The following DOCK1 variants were observed in gnomAD, a reference collection of about 807,000 sequenced individuals.
DOCK1 encodes dedicator of cytokinesis protein 1.
In DOCK1, 138 loss-of-function variants were observed where a neutral mutation model predicts 262.7. The ratio of observed to expected loss-of-function variants is 0.53; its 90% CI spans 0.46 to 0.61. The LOEUF is 0.61. Ranked by LOEUF, DOCK1 falls within the 20% of genes least tolerant of loss-of-function variation. DOCK1 has a pLI of 0.00. For missense variants in DOCK1, 1,908 were observed against 2,370.7 expected, an observed-to-expected ratio of 0.80 and a Z score of 4.05; for synonymous variants, 866 against 867.4, an observed-to-expected ratio of 1.00 and a Z score of 0.03.
chr10:127,257,300 G>A, intron 28 of DOCK1, 35 bp from the exon 29 acceptor site: 2 of 1,513,676 alleles, frequency 1.3e-6, no homozygotes, highest in Non-Finnish European at 1.8e-6. Context: ...CTTTTTCTTT[G>A]TGGGCCATTT....
intron 15 of DOCK1, chr10:127,025,911 C>T (rs113060561): frequency 0.039 from 7,301 of 188,210 alleles, 580 homozygotes; most frequent in African/African-American, 0.16. Context: ...ACAAAATTAG[C>T]TGGGTGTGGT....
intron 2 of DOCK1, among the ~76,000 whole-genome samples, chr10:126,972,386 G>A (rs1232578250): frequency 2.0e-5 from 3 of 152,116 alleles, no homozygotes; most frequent in Non-Finnish European, 4.4e-5. Flanking sequence ...AAGAAATGAT[G>A]GGCTTGATTT....
In DOCK1 at chr10:126,995,510, C is replaced by T. The variant is rs931526969; in HGVS notation, c.474-1238C>T. 3.3e-5 allele frequency among the ~76,000 whole-genome samples: 5 copies of T among 152,324 alleles called. No homozygotes were observed. The highest frequency in any genetic ancestry group is 6.5e-5 in the Admixed American group (1 of 15,304). ...CGAAAACCAGTCAGGTGTGGCGGCG[C>T]GCGCCTGCAATCCCAGGCACTCCGC... is the stretch of plus-strand genomic sequence containing the variant. On this transcript the variant is annotated intron_variant, in intron 6 of 51. Transcript: ENST00000623213. This position sits in a 1 kb window ranked among gnomAD's most constrained non-coding sequence, Gnocchi z 5.8.
At chr10:127,244,695 C>T (rs2059374831) in intron 27 of DOCK1, among the ~76,000 whole-genome samples, 1 of 152,040 alleles carries the variant, frequency 6.6e-6, no homozygotes, top group Non-Finnish European at 1.5e-5. Flanking sequence ...GCAAGTATAT[C>T]CTGACTTCTG....
intron 27 of DOCK1, among the ~76,000 whole-genome samples, chr10:127,187,364 C>G (rs2056369257): frequency 6.6e-6 from 1 of 152,166 alleles, no homozygotes. Flanking sequence ...TACTGATGAT[C>G]TGTGAAATGA....
intron 21 of DOCK1, among the ~76,000 whole-genome samples, chr10:127,047,036 G>A (rs150417477): frequency 2.6e-3 from 401 of 152,334 alleles, no homozygotes; most frequent in Non-Finnish European, 4.3e-3. Context: ...AGAAGTTTGG[G>A]TGGCGGATAT....
At chr10:127,394,005 C>G (rs748084007) in intron 38 of DOCK1, among the ~76,000 whole-genome samples, 1 of 152,090 alleles carries the variant, frequency 6.6e-6, no homozygotes, top group Non-Finnish European at 1.5e-5. Flanking sequence ...TCTGAAGATG[C>G]TCTGAATTGT....
chr10:127,441,792 G>A lies in DOCK1; in HGVS notation c.5260-2334G>A, dbSNP rs58886823. Among the ~76,000 whole-genome samples, 1,272 of 149,310 alleles carry A rather than the reference G, an allele frequency of 8.5e-3. 11 individuals carry two copies. Among genetic ancestry groups the A allele is most frequent in the African/African-American group, 0.029 (1,194 of 40,586 alleles). On this transcript the variant is annotated intron_variant, in intron 49 of 51. Coordinates refer to ENST00000623213, the MANE Select transcript of DOCK1 (RefSeq NM_001290223.2). ...AAAGGTTTTCCCTCCTCACCCCTGT[G>A]GCTGGGTTCGGTTTCCTACTTGATT...
intron 1 of DOCK1, among the ~76,000 whole-genome samples, chr10:126,934,223 C>G (rs2134200942): frequency 6.6e-6 from 1 of 152,220 alleles, no homozygotes; most frequent in African/African-American, 2.4e-5. Flanking sequence ...TGTCTTTAGT[C>G]TAAACAGGAT....
At chr10:127,402,946 A>G in intron 38 of DOCK1, 109 bp from the exon 39 acceptor site, 1 of 1,029,998 alleles carries the variant, frequency 9.7e-7, no homozygotes, top group Non-Finnish European at 1.4e-6. Flanking sequence ...ATAATGTTTC[A>G]TTCAAATGTA....
At chr10:127,107,260 A>C (rs2048587649) in intron 24 of DOCK1, among the ~76,000 whole-genome samples, 1 of 152,120 alleles carries the variant, frequency 6.6e-6, no homozygotes, top group African/African-American at 2.4e-5. Context: ...GCCCTCCTAA[A>C]TATTAGTAAA....
Position 126,922,813 on chromosome 10 carries a change from TA to T in DOCK1, c.46+17259del, listed in dbSNP as rs199925364. Among the ~76,000 whole-genome samples the T allele has an allele frequency of 3.4e-3, 514 of 151,542 alleles. 3 individuals are homozygous for T. The highest frequency in any genetic ancestry group is 0.012 in the African/African-American group (478 of 41,426). The stretch of plus-strand genomic sequence containing the variant: ...TCTGTTATGTTAGTTTTACCTCCTT[TA>T]AAAAAAAAGATGAGGACCGGGTACG... On this transcript the variant is annotated intron_variant, in intron 1 of 51. Coordinates refer to ENST00000623213, the MANE Select transcript of DOCK1 (RefSeq NM_001290223.2).
intron 29 of DOCK1, among the ~76,000 whole-genome samples, chr10:127,259,587 T>G (rs1004088809): frequency 6.6e-6 from 1 of 152,076 alleles, no homozygotes; most frequent in Non-Finnish European, 1.5e-5. Flanking sequence ...ACCTCTTGAC[T>G]CCTCTACGTG....
At chr10:127,088,326 A>G (rs539249586) in intron 23 of DOCK1, among the ~76,000 whole-genome samples, 25 of 152,282 alleles carry the variant, frequency 1.6e-4, no homozygotes, top group African/African-American at 4.8e-4. Context: ...TTCTGCAACA[A>G]AACACCATTT....
intron 33 of DOCK1, among the ~76,000 whole-genome samples, chr10:127,362,980 TACACATCCCCCCCCACACACACAC>T (rs1565027280): frequency 3.1e-3 from 64 of 20,930 alleles, no homozygotes; most frequent in South Asian, 6.1e-3. Context: ...CACATACACA[TACACATCCCCCCCCACACACACAC>T]GCACATCCCC....
At chr10:126,906,770 C>T (rs903102162) in intron 1 of DOCK1, among the ~76,000 whole-genome samples, 3 of 152,216 alleles carry the variant, frequency 2.0e-5, no homozygotes, top group Non-Finnish European at 2.9e-5. Flanking sequence ...GAGCGCTCTC[C>T]TTTCTGTGAA....
At chr10:127,141,845 C>A (rs1592191278) in intron 27 of DOCK1, among the ~76,000 whole-genome samples, 1 of 152,188 alleles carries the variant, frequency 6.6e-6, no homozygotes, top group South Asian at 2.1e-4. Context: ...CAGAACCACT[C>A]CAGATGGAGT....
Position 126,987,514 on chromosome 10 carries a change from C to T in DOCK1, c.228-7C>T. 1 of 1,572,442 alleles carries T rather than the reference C, an allele frequency of 6.4e-7. No individual in the cohort carries two copies. Among genetic ancestry groups the T allele is most frequent in the Non-Finnish European group, 8.6e-7 (1 of 1,158,518 alleles). On this transcript the variant is annotated splice_polypyrimidine_tract_variant and splice_region_variant and intron_variant, in intron 4 of 51. Coordinates refer to ENST00000623213, the MANE Select transcript of DOCK1 (RefSeq NM_001290223.2). The stretch of plus-strand genomic sequence containing the variant: ...GACTCAGCTGCTCTTTCCTTCTTTC[C>T]TCCCAGGCAACATGAAACAGTCATC...
Position 127,229,282 on chromosome 10 carries a change from C to T in DOCK1, c.2848-18726C>T, listed in dbSNP as rs190692688. Among the ~76,000 whole-genome samples the T allele has an allele frequency of 4.6e-5, 7 of 152,294 alleles. No homozygotes were observed. In the East Asian group the frequency reaches 9.7e-4, roughly 21 times the overall value. On this transcript the variant is annotated intron_variant, in intron 27 of 51. Coordinates refer to ENST00000623213, the MANE Select transcript of DOCK1 (RefSeq NM_001290223.2). ...TCACAAAACTACTGTCTGCAGTTTT[C>T]AAGTGTGCAGTATATTGCTATTAAC...
Sources: allele counts gnomAD v4.1 joint callset (sites outside exome capture counted in the v4.1 genomes callset), GRCh38; gene constraint gnomAD v4.1.1; non-coding constraint Gnocchi (gnomAD v3.1); transcripts MANE v1.5; gene names NCBI Gene and HGNC (gene_info 2026-07-23, HGNC 2026-07-21).